Variants in PNPLA1 observed in about 807,000 individuals in gnomAD.
The protein encoded by PNPLA1 is omega-hydroxyceramide transacylase.
Under a neutral mutation model 51.7 loss-of-function variants are expected in PNPLA1, and 36 were observed. That is an observed-to-expected ratio of 0.70 (90% CI 0.53 to 0.92). PNPLA1 has a LOEUF of 0.92. Among genes scored for constraint, PNPLA1 ranks in the 40% least tolerant of loss-of-function variants. The pLI is 0.00. For missense variants in PNPLA1, 658 were observed against 682.5 expected (o/e 0.96, Z 0.40); for synonymous variants, 293 against 280.1 (o/e 1.05, Z -0.46).
chr6:36,291,464 C>CG lies in PNPLA1; in HGVS notation c.354dup (p.Lys119GlufsTer28). On this transcript the variant is annotated frameshift_variant, in exon 2 of 9. Transcript: ENST00000636260. LOFTEE classifies it high-confidence loss of function. The stretch of plus-strand genomic sequence containing the variant: ...CCCGAGGACTCCTACAAGGTCACCA[C>CG]GGGGAAGCTCCATGTGAGCCTCACC... 1 of 1,613,624 alleles carries CG rather than the reference C, an allele frequency of 6.2e-7. No homozygotes were observed. Among genetic ancestry groups the CG allele is most frequent in the Admixed American group, 1.7e-5 (1 of 59,920 alleles).
At chr6:36,300,342 A>G (rs12209156) in intron 5 of PNPLA1, among the ~76,000 whole-genome samples, 1 of 151,274 alleles carries the variant, frequency 6.6e-6, no homozygotes, top group Admixed American at 6.6e-5. Flanking sequence ...CTACAGGTGC[A>G]TGCCACTACC....
chr6:36,260,143 T>C (rs1311678791), intron 1 of PNPLA1, among the ~76,000 whole-genome samples: 1 of 151,906 alleles, frequency 6.6e-6, no homozygotes, highest in Non-Finnish European at 1.5e-5. Context: ...AAATTAAAAA[T>C]AAGCAGGTGT....
At chr6:36,267,102 T>C (rs1295043125), upstream of PNPLA1, among the ~76,000 whole-genome samples, 2 of 152,200 alleles carry the variant, frequency 1.3e-5, no homozygotes, top group African/African-American at 4.8e-5. Context: ...CGTGATTTCC[T>C]CAGGGATGGA....
chr6:36,286,972 C>T (rs2127340125), intron 1 of PNPLA1, among the ~76,000 whole-genome samples: 1 of 152,270 alleles, frequency 6.6e-6, no homozygotes, highest in Middle Eastern at 3.4e-3. Flanking sequence ...AGGCATGAAC[C>T]ACCACACCCA....
intron 5 of PNPLA1, among the ~76,000 whole-genome samples, chr6:36,298,975 G>A (rs2127349434): frequency 6.6e-6 from 1 of 152,274 alleles, no homozygotes; most frequent in South Asian, 2.1e-4. Context: ...CTCACCTCGT[G>A]ATCTGCCTGC....
rs1199374331 is a variant in PNPLA1 at position 36,294,206 on chromosome 6, G to T, written c.521G>T (p.Gly174Val). ...CCCCCACAGAGGTACATCGATGGGG[G>T]CTTCACGGGCATGCAGCCCTGTGCC... ...TYRGVRYIDG[G>V]FTGMQPCAFW... The change falls in exon 4 of 9, where the codon GGC (glycine) becomes GTC (valine). Residue 174 changes from glycine to valine, a missense_variant. By Grantham distance (109) the Gly-to-Val change is moderately radical. Transcript: ENST00000636260. The surrounding 1 kb of genome is among the most constrained non-coding windows in gnomAD (Gnocchi z 4.2). 2.5e-6 allele frequency: 4 copies of T among 1,614,050 alleles called. No individual in the cohort carries two copies. In the African/African-American group the frequency reaches 4.0e-5, roughly 16 times the overall value.
At chr6:36,249,198 A>T (rs1454069150) in intron 1 of PNPLA1, among the ~76,000 whole-genome samples, 2 of 152,114 alleles carry the variant, frequency 1.3e-5, no homozygotes, top group Admixed American at 6.5e-5. Flanking sequence ...CTGGGTCATG[A>T]GCTTGGGGTT....
chr6:36,252,721 C>T (rs1012966160), intron 1 of PNPLA1, among the ~76,000 whole-genome samples: 2 of 152,138 alleles, frequency 1.3e-5, no homozygotes, highest in African/African-American at 4.8e-5. Flanking sequence ...GGACATGAAG[C>T]ATGGCTGAGC....
chr6:36,303,154 G>A (rs1445962243), intron 6 of PNPLA1, among the ~76,000 whole-genome samples: 3 of 152,116 alleles, frequency 2.0e-5, no homozygotes, highest in Admixed American at 2.0e-4. Context: ...GAGTGCAGTG[G>A]CGTGATCTTG....
At chr6:36,296,117 C>A (rs969505136) in intron 5 of PNPLA1, among the ~76,000 whole-genome samples, 10 of 152,136 alleles carry the variant, frequency 6.6e-5, no homozygotes, top group African/African-American at 2.4e-4. Context: ...TTGAGACCAG[C>A]CTGGGCGATT....
chr6:36,274,582 A>G (rs1021215188), intron 1 of PNPLA1, among the ~76,000 whole-genome samples: 4 of 152,124 alleles, frequency 2.6e-5, no homozygotes, highest in African/African-American at 4.8e-5. Flanking sequence ...CTCACATGAC[A>G]TGTATATCAT....
chr6:36,261,615 C>T (rs1433042896), intron 1 of PNPLA1, among the ~76,000 whole-genome samples: 2 of 152,176 alleles, frequency 1.3e-5, no homozygotes, highest in African/African-American at 4.8e-5. Flanking sequence ...GTCTTAGGGC[C>T]CAGCTGTGCT....
chr6:36,309,748 TG>T (rs1739882099), intron 8 of PNPLA1, among the ~76,000 whole-genome samples: 1 of 152,242 alleles, frequency 6.6e-6, no homozygotes, highest in South Asian at 2.1e-4. Flanking sequence ...ATGCTGAGCC[TG>T]CCTGGAGGTG....
At chr6:36,283,853 T>A (rs755335001) in intron 1 of PNPLA1, among the ~76,000 whole-genome samples, 1 of 152,148 alleles carries the variant, frequency 6.6e-6, no homozygotes, top group African/African-American at 2.4e-5. Flanking sequence ...TGGTAGTGCA[T>A]GGAGAATCTG....
chr6:36,282,233 G>GGAAGGAAGGAAGGAAGGAAAGAAA (rs1770338375), intron 1 of PNPLA1, among the ~76,000 whole-genome samples: 1 of 138,038 alleles, frequency 7.2e-6, no homozygotes, highest in Admixed American at 7.4e-5. Flanking sequence ...AAGGAAGGAA[G>GGAAGGAAGGAAGGAAGGAAAGAAA]GAAAGAAAGA....
intron 1 of PNPLA1, among the ~76,000 whole-genome samples, chr6:36,284,478 T>G (rs930033885): frequency 6.6e-6 from 1 of 152,126 alleles, no homozygotes; most frequent in African/African-American, 2.4e-5. Flanking sequence ...AAACAAAAAC[T>G]GTGTGACCTA....
At chr6:36,286,834 A>G (rs1369505923) in intron 1 of PNPLA1, among the ~76,000 whole-genome samples, 1 of 150,780 alleles carries the variant, frequency 6.6e-6, no homozygotes, top group Non-Finnish European at 1.5e-5. Flanking sequence ...GCATGCCACC[A>G]TGCCTGGCTA....
rs934033767 is a variant in PNPLA1 at position 36,295,546 on chromosome 6, G to C, written c.775+122G>C. The stretch of plus-strand genomic sequence containing the variant: ...TGTGACCCGGAGACGCCCTTCACCT[G>C]GGAGAGCTGGAAATGGGGGTGGGGA... On this transcript the variant is annotated intron_variant, in intron 5 of 8. Transcript: ENST00000636260. The C allele has an allele frequency of 2.8e-6, 3 of 1,072,792 alleles. No individual in the cohort carries two copies. The African/African-American group carries it at 4.7e-5, about 17-fold the overall frequency. 66.5% of individuals were successfully genotyped at this position (1,072,792 alleles called of 1,614,324 possible).
At position 36,313,825 on chromosome 6, in the gene PNPLA1, C is replaced by T. The variant is rs972438291; in HGVS notation, c.*1939C>T. Among the ~76,000 whole-genome samples, 1 of 152,190 alleles carries T rather than the reference C, an allele frequency of 6.6e-6. No individual in the cohort carries two copies. Among genetic ancestry groups the T allele is most frequent in the African/African-American group, 2.4e-5 (1 of 41,446 alleles). On this transcript the variant is annotated 3_prime_UTR_variant, in exon 9 of 9. Coordinates refer to ENST00000636260, the MANE Select transcript of PNPLA1 (RefSeq NM_001374623.1). ...TTGCACAGCCCAGGAATGCTTGTTC[C>T]CTGGGACCCAAGGAAGACTCGAACT... is the stretch of plus-strand genomic sequence containing the variant.
Sources: gnomAD v4.1 joint callset for allele counts (sites outside exome capture counted in the v4.1 genomes callset) on GRCh38, gnomAD v4.1.1 for gene constraint, Gnocchi (gnomAD v3.1) non-coding constraint, MANE v1.5 for transcripts, NCBI Gene and HGNC (gene_info 2026-07-23, HGNC 2026-07-21) for gene names.